The following PSMF1 variants were observed in gnomAD, a reference collection of about 807,000 sequenced individuals.
PSMF1 encodes the protein proteasome inhibitor subunit 1.
A neutral mutation model predicts 29.3 loss-of-function variants in PSMF1; 30 were observed. The ratio of observed to expected loss-of-function variants is 1.02; its 90% CI spans 0.77 to 1.39. The LOEUF (loss-of-function observed/expected upper bound fraction) is 1.39. Among genes scored for constraint, PSMF1 ranks in the 40% most tolerant of loss-of-function variants. The pLI is 0.00. For synonymous variants in PSMF1, 134 were observed against 139.7 expected, an observed-to-expected ratio of 0.96 and a Z score of 0.29; for missense variants, 344 against 357.5, an observed-to-expected ratio of 0.96 and a Z score of 0.31.
At position 1,163,009 on chromosome 20, in the gene PSMF1, A is replaced by G; in HGVS notation, c.552-121A>G. On this transcript the variant is annotated intron_variant, in intron 4 of 6. Coordinates refer to ENST00000335877, the MANE Select transcript of PSMF1 (RefSeq NM_006814.5). The surrounding 1 kb of genome is among the most constrained non-coding windows in gnomAD (Gnocchi z 6.1). The stretch of plus-strand genomic sequence containing the variant: ...TCTGAGCCAAGGACCACCCTGAAAT[A>G]TCCCTTGTGCTATGGTCTCATGCAA... The G allele has an allele frequency of 9.9e-7, 1 of 1,014,226 alleles. No homozygotes were observed. Among genetic ancestry groups the G allele is most frequent in the Non-Finnish European group, 1.5e-6 (1 of 664,664 alleles). 62.8% of individuals were successfully genotyped at this position (1,014,226 alleles called of 1,614,324 possible).
intron 4 of PSMF1, among the ~76,000 whole-genome samples, chr20:1,145,682 T>C (rs1308628695): frequency 6.6e-6 from 1 of 152,180 alleles, no homozygotes; most frequent in Non-Finnish European, 1.5e-5. Context: ...CAAGAAGTGA[T>C]GTGGGCCTCA....
intron 4 of PSMF1, among the ~76,000 whole-genome samples, chr20:1,136,359 T>C (rs2086306416): frequency 1.3e-5 from 2 of 152,208 alleles, no homozygotes; most frequent in African/African-American, 4.8e-5. Flanking sequence ...TGTAAACAGA[T>C]GTGATCTAAC....
chr20:1,160,874 T>C, intron 4 of PSMF1: 1 of 455,380 alleles, frequency 2.2e-6, no homozygotes, highest in Non-Finnish European at 4.4e-6. Flanking sequence ...CATGTGTTCC[T>C]GGAGGAGCAC....
chr20:1,164,546 A>G lies in PSMF1; in HGVS notation c.764+70A>G. On this transcript the variant is annotated intron_variant, in intron 6 of 6. Coordinates refer to ENST00000335877, the MANE Select transcript of PSMF1 (RefSeq NM_006814.5). This position sits in a 1 kb window ranked among gnomAD's most constrained non-coding sequence, Gnocchi z 4.1. ...GCTTGGTTCAGTGTGGCAGCAATGA[A>G]GGTTTCTAGCCCCAGGCACAGAGCT... The G allele has an allele frequency of 6.3e-7, 1 of 1,580,196 alleles. No homozygotes were observed. Among genetic ancestry groups the G allele is most frequent in the South Asian group, 1.1e-5 (1 of 89,116 alleles).
At chr20:1,158,505 A>T (rs1454197426) in intron 4 of PSMF1, among the ~76,000 whole-genome samples, 4 of 152,194 alleles carry the variant, frequency 2.6e-5, no homozygotes, top group Non-Finnish European at 5.9e-5. Flanking sequence ...AGGCCTTTCC[A>T]GTTCACCAGA....
chr20:1,155,533 C>A (rs2086584472), intron 4 of PSMF1, among the ~76,000 whole-genome samples: 1 of 152,192 alleles, frequency 6.6e-6, no homozygotes, highest in Non-Finnish European at 1.5e-5. Flanking sequence ...CAAAAAGGAG[C>A]CTTCCAAGGA....
In PSMF1 at chr20:1,169,878, G is replaced by C. The variant is rs1037512759; in HGVS notation, c.*4798G>C. 2.0e-5 allele frequency among the ~76,000 whole-genome samples: 3 copies of C among 152,158 alleles called. No individual in the cohort carries two copies. The highest frequency in any genetic ancestry group is 7.2e-5 in the African/African-American group (3 of 41,432). ...CTTTCCTGGAAGGTGCACTGGGACAGAGGTCTAGTGAGCCAATCTTCTGTG... is the reference window on the plus strand; with the variant it reads ...CTTTCCTGGAAGGTGCACTGGGACACAGGTCTAGTGAGCCAATCTTCTGTG... On this transcript the variant is annotated 3_prime_UTR_variant, in exon 7 of 7. Coordinates refer to ENST00000335877, the MANE Select transcript of PSMF1 (RefSeq NM_006814.5).
At chr20:1,134,995 T>G in intron 3 of PSMF1, 126 bp from the exon 4 acceptor site, 1 of 927,274 alleles carries the variant, frequency 1.1e-6, no homozygotes, top group Non-Finnish European at 1.7e-6. Flanking sequence ...CCCCCACTTA[T>G]AAACAGGCCA....
intron 3 of PSMF1, among the ~76,000 whole-genome samples, chr20:1,132,522 A>G (rs2086243513): frequency 6.6e-6 from 1 of 151,962 alleles, no homozygotes; most frequent in Non-Finnish European, 1.5e-5. Flanking sequence ...TGACCCACCC[A>G]TCTTAGCCTC....
chr20:1,127,226 C>G (rs1462076917), intron 2 of PSMF1, 200 bp from the exon 3 acceptor site: 7 of 743,242 alleles, frequency 9.4e-6, no homozygotes, highest in African/African-American at 5.2e-5. Flanking sequence ...GTTTTAGTCT[C>G]TGCCTTGGAA....
chr20:1,153,988 A>G (rs2086563903), intron 4 of PSMF1, among the ~76,000 whole-genome samples: 2 of 152,362 alleles, frequency 1.3e-5, no homozygotes, highest in South Asian at 2.1e-4. Flanking sequence ...TGCATACCCC[A>G]GAAACATCAG....
At position 1,163,043 on chromosome 20, in the gene PSMF1, C is replaced by T; in HGVS notation, c.552-87C>T. The T allele has an allele frequency of 2.7e-6, 4 of 1,457,070 alleles. No homozygotes were observed. Among genetic ancestry groups the T allele is most frequent in the East Asian group, 2.3e-5 (1 of 43,278 alleles). 90.3% of individuals were successfully genotyped at this position (1,457,070 alleles called of 1,614,324 possible). On this transcript the variant is annotated intron_variant, in intron 4 of 6. Coordinates refer to ENST00000335877, the MANE Select transcript of PSMF1 (RefSeq NM_006814.5). The surrounding 1 kb of genome is among the most constrained non-coding windows in gnomAD (Gnocchi z 6.1). ...GCTATGGTCTCATGCAAGGGTTTCCCATGCCTGTGAGTGTGTTTGTGATCC... is the reference window on the plus strand; with the variant it reads ...GCTATGGTCTCATGCAAGGGTTTCCTATGCCTGTGAGTGTGTTTGTGATCC...
chr20:1,119,005 A>G (rs2086047727), intron 1 of PSMF1, 103 bp downstream of exon 1: 1 of 1,472,826 alleles, frequency 6.8e-7, no homozygotes, highest in Non-Finnish European at 9.2e-7. Context: ...CGCTTCTCCC[A>G]GTGCAGGGTC....
chr20:1,157,661 T>C (rs2086611240), intron 4 of PSMF1, among the ~76,000 whole-genome samples: 1 of 152,190 alleles, frequency 6.6e-6, no homozygotes, highest in Non-Finnish European at 1.5e-5. Context: ...TCCTCGTTTC[T>C]GCAGCTGGTC....
At chr20:1,121,958 G>A (rs997186566) in intron 1 of PSMF1, among the ~76,000 whole-genome samples, 8 of 152,188 alleles carry the variant, frequency 5.3e-5, no homozygotes, top group African/African-American at 1.9e-4. Flanking sequence ...TTTGTTTTCT[G>A]TTGTGGGAAA....
At position 1,164,034 on chromosome 20, in the gene PSMF1, G is replaced by A. The variant is rs897454431; in HGVS notation, c.606-284G>A. 2.6e-5 allele frequency among the ~76,000 whole-genome samples: 4 copies of A among 152,128 alleles called. No homozygotes were observed. The highest frequency in any genetic ancestry group is 5.9e-5 in the Non-Finnish European group (4 of 68,026). On this transcript the variant is annotated intron_variant, in intron 5 of 6. Transcript: ENST00000335877. The surrounding 1 kb of genome is among the most constrained non-coding windows in gnomAD (Gnocchi z 4.1). The stretch of plus-strand genomic sequence containing the variant: ...GTTGGCCCTCTTGAGTATATGATAT[G>A]GCAGGGATCTCAATTTTGAGGAGCC...
chr20:1,164,514 G>A lies in PSMF1; in HGVS notation c.764+38G>A. 1 of 1,608,838 alleles carries A rather than the reference G, an allele frequency of 6.2e-7. No individual in the cohort carries two copies. The highest frequency in any genetic ancestry group is 1.1e-5 in the South Asian group (1 of 90,954). Reference sequence around the variant, plus strand: ...TCAGGTATGCTGAGAAGTAGGACCTGATGGCAGCTTGGTTCAGTGTGGCAG... The same window carrying A: ...TCAGGTATGCTGAGAAGTAGGACCTAATGGCAGCTTGGTTCAGTGTGGCAG... On this transcript the variant is annotated intron_variant, in intron 6 of 6. Coordinates refer to ENST00000335877, the MANE Select transcript of PSMF1 (RefSeq NM_006814.5). This position sits in a 1 kb window ranked among gnomAD's most constrained non-coding sequence, Gnocchi z 4.1.
chr20:1,160,707 G>C, intron 4 of PSMF1: 1 of 488,106 alleles, frequency 2.0e-6, no homozygotes, highest in South Asian at 1.5e-5. Context: ...CCAACACCAG[G>C]GCATGATGGT....
At chr20:1,152,806 A>G (rs1398730946) in intron 4 of PSMF1, among the ~76,000 whole-genome samples, 1 of 152,194 alleles carries the variant, frequency 6.6e-6, no homozygotes, top group African/African-American at 2.4e-5. Context: ...GGTTGGCTTA[A>G]TGAAGGGAAG....
Sources: allele counts gnomAD v4.1 joint callset (sites outside exome capture counted in the v4.1 genomes callset), GRCh38; gene constraint gnomAD v4.1.1; non-coding constraint Gnocchi (gnomAD v3.1); transcripts MANE v1.5; gene names NCBI Gene and HGNC (gene_info 2026-07-23, HGNC 2026-07-21).